PPP2R2A: variants seen among roughly 807,000 people sequenced by gnomAD.
PPP2R2A encodes the protein serine/threonine-protein phosphatase 2A 55 kDa regulatory subunit B alpha isoform.
In PPP2R2A, 9 loss-of-function variants were observed where a neutral mutation model predicts 53.2. That is an observed-to-expected ratio of 0.17 (90% CI 0.10 to 0.30). The LOEUF (loss-of-function observed/expected upper bound fraction) is 0.30, where lower values mean the gene tolerates loss of function less well. Among genes scored for constraint, PPP2R2A ranks in the 10% least tolerant of loss-of-function variants. PPP2R2A has a pLI of 1.00. For synonymous variants in PPP2R2A, 169 were observed against 174.2 expected, an observed-to-expected ratio of 0.97 and a Z score of 0.23; for missense variants, 235 against 534.6, an observed-to-expected ratio of 0.44 and a Z score of 5.53.
intron 3 of PPP2R2A, among the ~76,000 whole-genome samples, chr8:26,345,398 T>C (rs1804160228): frequency 6.6e-6 from 1 of 152,196 alleles, no homozygotes; most frequent in Non-Finnish European, 1.5e-5. Flanking sequence ...GATAATTCAG[T>C]AAATATGGAT....
intron 2 of PPP2R2A, among the ~76,000 whole-genome samples, chr8:26,294,352 G>A (rs1023892324): frequency 2.0e-5 from 3 of 152,198 alleles, no homozygotes; most frequent in Non-Finnish European, 4.4e-5. Context: ...TCTTGTGCAG[G>A]TAGAAACTGT....
chr8:26,300,132 T>G (rs1801714891), intron 2 of PPP2R2A, among the ~76,000 whole-genome samples: 1 of 152,174 alleles, frequency 6.6e-6, no homozygotes, highest in African/African-American at 2.4e-5. Context: ...TGACAAAAAA[T>G]TATGAGAGAG....
At chr8:26,300,711 G>A (rs563097356) in intron 2 of PPP2R2A, among the ~76,000 whole-genome samples, 415 of 152,152 alleles carry the variant, frequency 2.7e-3, no homozygotes, top group Non-Finnish European at 3.3e-3. Flanking sequence ...AAAATTAGCC[G>A]GGTGTGGTGG....
chr8:26,339,345 A>G (rs1456514462), intron 3 of PPP2R2A, among the ~76,000 whole-genome samples: 2 of 152,132 alleles, frequency 1.3e-5, no homozygotes, highest in Non-Finnish European at 2.9e-5. Flanking sequence ...ACTTCTTCTC[A>G]ATGCTTGGTT....
chr8:26,305,090 A>G (rs1801955924), intron 2 of PPP2R2A, among the ~76,000 whole-genome samples: 1 of 151,956 alleles, frequency 6.6e-6, no homozygotes, highest in Non-Finnish European at 1.5e-5. Flanking sequence ...CCCTCCCCTC[A>G]GCTCTTGGCA....
rs1421292924 is a variant in PPP2R2A at position 26,342,510 on chromosome 8, T to A, written c.180+3523T>A. Among the ~76,000 whole-genome samples the A allele has an allele frequency of 1.1e-4, 17 of 152,212 alleles. 1 individual carries two copies. Among genetic ancestry groups the A allele is most frequent in the Non-Finnish European group, 1.5e-5 (1 of 68,034 alleles). Reference sequence around the variant, plus strand: ...GCAGTTGTCAAAGTAGCTGGTTTCCTACTGAGTTGGGTTGCTCAGACCTTC... The same window carrying A: ...GCAGTTGTCAAAGTAGCTGGTTTCCAACTGAGTTGGGTTGCTCAGACCTTC... On this transcript the variant is annotated intron_variant, in intron 3 of 9. Transcript: ENST00000380737.
chr8:26,322,550 T>C (rs546005728), intron 2 of PPP2R2A, among the ~76,000 whole-genome samples: 2 of 151,994 alleles, frequency 1.3e-5, no homozygotes, highest in East Asian at 3.9e-4. Context: ...TGGCTTTTTA[T>C]AGGTGTGCAG....
intron 4 of PPP2R2A, among the ~76,000 whole-genome samples, chr8:26,356,261 G>A (rs973446742): frequency 6.6e-6 from 1 of 152,112 alleles, no homozygotes; most frequent in African/African-American, 2.4e-5. Flanking sequence ...GATGCCCCTC[G>A]TCCACAGTAT....
intron 2 of PPP2R2A, among the ~76,000 whole-genome samples, chr8:26,329,249 T>A (rs1803245826): frequency 6.6e-6 from 1 of 152,206 alleles, no homozygotes; most frequent in African/African-American, 2.4e-5. Context: ...GACTCTTAAT[T>A]GCATACCTTT....
chr8:26,304,134 G>T (rs1585327272), intron 2 of PPP2R2A, among the ~76,000 whole-genome samples: 2 of 152,184 alleles, frequency 1.3e-5, no homozygotes, highest in East Asian at 3.8e-4. Flanking sequence ...AAGAATCAAG[G>T]ATATTTGTGT....
At chr8:26,331,083 C>A (rs995992779) in intron 2 of PPP2R2A, among the ~76,000 whole-genome samples, 1 of 152,132 alleles carries the variant, frequency 6.6e-6, no homozygotes, top group African/African-American at 2.4e-5. Flanking sequence ...GCCAAAGATT[C>A]TAAGTGAGCC....
chr8:26,324,037 T>C (rs1220690348), intron 2 of PPP2R2A, among the ~76,000 whole-genome samples: 3 of 152,248 alleles, frequency 2.0e-5, no homozygotes, highest in African/African-American at 7.2e-5. Flanking sequence ...ACAAGGCCAT[T>C]GCCACCATTT....
At chr8:26,344,614 C>T (rs1208995349) in intron 3 of PPP2R2A, among the ~76,000 whole-genome samples, 2 of 152,082 alleles carry the variant, frequency 1.3e-5, no homozygotes, top group African/African-American at 4.8e-5. Flanking sequence ...ATGCATTTGC[C>T]CAGCCATCTC....
chr8:26,313,319 G>A (rs1172188930), intron 2 of PPP2R2A, among the ~76,000 whole-genome samples: 1 of 152,108 alleles, frequency 6.6e-6, no homozygotes, highest in Non-Finnish European at 1.5e-5. Context: ...ACAGGGATGA[G>A]CCACCGTGCC....
At chr8:26,341,138 T>C (rs959921863) in intron 3 of PPP2R2A, among the ~76,000 whole-genome samples, 17 of 151,844 alleles carry the variant, frequency 1.1e-4, no homozygotes, top group African/African-American at 3.9e-4. Flanking sequence ...AATTACTTAG[T>C]GGTGTAAATA....
chr8:26,351,590 C>T (rs1055226584), intron 3 of PPP2R2A, among the ~76,000 whole-genome samples: 2 of 152,160 alleles, frequency 1.3e-5, no homozygotes, highest in African/African-American at 4.8e-5. Context: ...ATTTATATCT[C>T]TTATTCATCT....
intron 2 of PPP2R2A, among the ~76,000 whole-genome samples, chr8:26,334,753 A>C (rs561071431): frequency 6.6e-6 from 1 of 152,232 alleles, no homozygotes; most frequent in Admixed American, 6.5e-5. Context: ...TCAAAAAAAA[A>C]CAAAAAACAA....
At position 26,293,751 on chromosome 8, in the gene PPP2R2A, G is replaced by T; in HGVS notation, c.82+11G>T. On this transcript the variant is annotated intron_variant, in intron 2 of 9. Coordinates refer to ENST00000380737, the MANE Select transcript of PPP2R2A (RefSeq NM_002717.4). ...ATGATGTAGCAGAAGGTAAGAAAGC[G>T]TTTAATGCAAAATTTGGATATATAA... is the stretch of plus-strand genomic sequence containing the variant. The T allele has an allele frequency of 6.2e-7, 1 of 1,612,110 alleles. No homozygotes were observed.
chr8:26,355,868 C>CAAAAAAAAAAAAAAAAAA (rs35574078), intron 4 of PPP2R2A, among the ~76,000 whole-genome samples: 1 of 130,406 alleles, frequency 7.7e-6, no homozygotes, highest in African/African-American at 2.9e-5. Flanking sequence ...AGACTCGTCT[C>CAAAAAAAAAAAAAAAAAA]AAAAAAAAAA....
Sources: allele counts gnomAD v4.1 joint callset (sites outside exome capture counted in the v4.1 genomes callset), GRCh38; gene constraint gnomAD v4.1.1; transcripts MANE v1.5; gene names NCBI Gene and HGNC (gene_info 2026-07-23, HGNC 2026-07-21).